Variants in SPTB observed in about 807,000 individuals in gnomAD.
SPTB encodes the protein spectrin beta chain, erythrocytic.
In SPTB, 45 loss-of-function variants were observed where a neutral mutation model predicts 256.2. The observed-to-expected ratio is 0.18, with a 90% CI of 0.14 to 0.23. SPTB has a LOEUF of 0.23. Ranked by LOEUF, SPTB falls within the 10% of genes least tolerant of loss-of-function variation. The probability of loss-of-function intolerance (pLI) is 1.00; values close to 1 mark genes in which losing one functional copy is unlikely to be tolerated. For synonymous variants in SPTB, 1,231 were observed against 1,243.1 expected (o/e 0.99, Z 0.21); for missense variants, 2,715 against 3,040.4 (o/e 0.89, Z 2.52).
At chr14:64,751,911 AT>A (rs1178509016) in intron 33 of SPTB, among the ~76,000 whole-genome samples, 3 of 136,930 alleles carry the variant, frequency 2.2e-5, no homozygotes, top group African/African-American at 8.2e-5. Flanking sequence ...GTGAAACCCC[AT>A]TTCTACTAAA....
chr14:64,785,932 A>C lies in SPTB; in HGVS notation c.3581T>G (p.Leu1194Trp), dbSNP rs766601064. Reference sequence around the variant, plus strand: ...AGCTTCCAGGGAGTCTGGGGGCTCCAAGTGAGCCAGAGTGTATTCCTGTTG... The same window carrying C: ...AGCTTCCAGGGAGTCTGGGGGCTCCCAGTGAGCCAGAGTGTATTCCTGTTG... ...LSNQEYTLAH[L>W]EPPDSLEAAE... is the part of the protein sequence containing the mutation. The change falls in exon 17 of 36, where the codon TTG (leucine) becomes TGG (tryptophan). Residue 1194 changes from leucine (L) to tryptophan (W), a missense_variant. By Grantham distance (61) the Leu-to-Trp change is moderately conservative. Transcript: ENST00000644917. The surrounding 1 kb of genome is among the most constrained non-coding windows in gnomAD (Gnocchi z 4.4). 1 of 1,614,110 alleles carries C rather than the reference A, an allele frequency of 6.2e-7. No homozygotes were observed. The highest frequency in any genetic ancestry group is 2.2e-5 in the East Asian group (1 of 44,874).
chr14:64,766,231 G>A (rs2082179314), intron 32 of SPTB, among the ~76,000 whole-genome samples: 1 of 150,112 alleles, frequency 6.7e-6, no homozygotes, highest in Non-Finnish European at 1.5e-5. Context: ...GTATATATGG[G>A]GGTGTGTGGT....
At chr14:64,783,055 G>A (rs778607094) in intron 19 of SPTB, among the ~76,000 whole-genome samples, 5 of 152,126 alleles carry the variant, frequency 3.3e-5, no homozygotes, top group South Asian at 2.1e-4. Context: ...AAACTGCCCC[G>A]TGAGTTCCTG....
At chr14:64,798,538 C>A (rs898418559) in intron 9 of SPTB, among the ~76,000 whole-genome samples, 7 of 152,246 alleles carry the variant, frequency 4.6e-5, no homozygotes, top group African/African-American at 1.7e-4. Context: ...GCATCCTTGA[C>A]CTGGCAGTCA....
At chr14:64,837,461 A>G (rs964111027) in intron 1 of SPTB, among the ~76,000 whole-genome samples, 2 of 152,216 alleles carry the variant, frequency 1.3e-5, no homozygotes, top group African/African-American at 4.8e-5. Context: ...TAAATAGGGA[A>G]ATATACCATG....
rs963341822 is a variant in SPTB, at chr14:64,796,268, A to G, written c.1341+289T>C. The stretch of plus-strand genomic sequence containing the variant: ...GATTTTACCATATCCCCCAAGAACC[A>G]CAATTTAACATCAACTGAAACCCCA... On this transcript the variant is annotated intron_variant, in intron 11 of 35. Transcript: ENST00000644917. The surrounding 1 kb of genome is among the most constrained non-coding windows in gnomAD (Gnocchi z 4.1). Among the ~76,000 whole-genome samples, 5 of 152,180 alleles carry G rather than the reference A, an allele frequency of 3.3e-5. No homozygotes were observed. The highest frequency in any genetic ancestry group is 6.5e-5 in the Admixed American group (1 of 15,276).
In SPTB at chr14:64,823,625, T is replaced by C. The variant is rs1483857236; in HGVS notation, c.-51-480A>G. On this transcript the variant is annotated intron_variant, in intron 1 of 35. Transcript: ENST00000644917. The surrounding 1 kb of genome is among the most constrained non-coding windows in gnomAD (Gnocchi z 6.5). ...GGAAACAGGCTGAGTCTGACCCATA[T>C]GGGAACCATGGGGAGAGATGGATGA... 6.6e-6 allele frequency among the ~76,000 whole-genome samples: 1 copy of C among 152,072 alleles called. No homozygotes were observed. Among genetic ancestry groups the C allele is most frequent in the Non-Finnish European group, 1.5e-5 (1 of 67,992 alleles).
intron 2 of SPTB, among the ~76,000 whole-genome samples, chr14:64,819,684 G>A (rs1481138460): frequency 1.3e-5 from 2 of 152,138 alleles, no homozygotes; most frequent in Non-Finnish European, 2.9e-5. Flanking sequence ...GAACTTCCAA[G>A]GCAAAGGAGG....
chr14:64,801,152 G>T, intron 7 of SPTB, 133 bp downstream of exon 7: 1 of 752,560 alleles, frequency 1.3e-6, no homozygotes. Flanking sequence ...CCTGGCCACT[G>T]CCCCTCACTG....
At position 64,749,265 on chromosome 14, in the gene SPTB, T is replaced by A; in HGVS notation, c.*41A>T. The A allele has an allele frequency of 6.5e-7, 1 of 1,542,966 alleles. No homozygotes were observed. The highest frequency in any genetic ancestry group is 8.7e-7 in the Non-Finnish European group (1 of 1,149,420). ...AGGCCAAGGCCTGGGCTGCCCGGTCTCTGCGCGTCCCGACTCCGCCGCGCC... is the reference window on the plus strand; with the variant it reads ...AGGCCAAGGCCTGGGCTGCCCGGTCACTGCGCGTCCCGACTCCGCCGCGCC... On this transcript the variant is annotated 3_prime_UTR_variant, in exon 36 of 36. Coordinates refer to ENST00000644917, the MANE Select transcript of SPTB (RefSeq NM_001355436.2). This position sits in a 1 kb window ranked among gnomAD's most constrained non-coding sequence, Gnocchi z 4.7.
At chr14:64,766,252 G>A (rs780218443) in intron 32 of SPTB, 17 of 382,210 alleles carry the variant, frequency 4.4e-5, no homozygotes, top group Non-Finnish European at 6.5e-5. Context: ...GTGTGTGCAT[G>A]TGGGTGTGTA....
intron 3 of SPTB, 102 bp downstream of exon 3, chr14:64,804,837 G>A: frequency 6.8e-7 from 1 of 1,479,254 alleles, no homozygotes; most frequent in East Asian, 2.3e-5. Flanking sequence ...GGAGCAGAGA[G>A]AAAACTGGGA....
intron 1 of SPTB, among the ~76,000 whole-genome samples, chr14:64,867,171 C>T (rs990388730): frequency 6.6e-6 from 1 of 152,220 alleles, no homozygotes; most frequent in Non-Finnish European, 1.5e-5. Flanking sequence ...ATCCTCTTCC[C>T]TCCTCACCTC....
intron 29 of SPTB, 24 bp from the exon 30 acceptor site, chr14:64,767,883 A>AC (rs1224414563): frequency 6.8e-6 from 11 of 1,611,366 alleles, no homozygotes; most frequent in Admixed American, 3.3e-5. Context: ...CAGGACACAG[A>AC]CCCCCCACAA....
chr14:64,793,907 G>C lies in SPTB; in HGVS notation c.1796-40C>G. On this transcript the variant is annotated intron_variant, in intron 13 of 35. Transcript: ENST00000644917. The surrounding 1 kb of genome is among the most constrained non-coding windows in gnomAD (Gnocchi z 7.0). ...GGGAAGGAGGACAAAGTGGGGGATGGGCTTCATTTATGGGCACGCTTCAGA... is the reference window on the plus strand; with the variant it reads ...GGGAAGGAGGACAAAGTGGGGGATGCGCTTCATTTATGGGCACGCTTCAGA... 1 of 1,572,586 alleles carries C rather than the reference G, an allele frequency of 6.4e-7. No homozygotes were observed. Among genetic ancestry groups the C allele is most frequent in the Non-Finnish European group, 8.6e-7 (1 of 1,165,372 alleles).
In SPTB at chr14:64,779,873, A is replaced by C. The variant is rs2139533828; in HGVS notation, c.4325T>G (p.Val1442Gly). The C allele has an allele frequency of 6.2e-7, 1 of 1,614,010 alleles. No individual in the cohort carries two copies. Among genetic ancestry groups the C allele is most frequent in the Middle Eastern group, 1.6e-4 (1 of 6,062 alleles). ...KEELGELFAQ[V>G]PSMGEEGGDA... Reference sequence around the variant, plus strand: ...TCCTCCCTCCTCTCCCATTGAAGGCACCTGGGCAAACAGCTCCCCCAGCTC... The same window carrying C: ...TCCTCCCTCCTCTCCCATTGAAGGCCCCTGGGCAAACAGCTCCCCCAGCTC... Residue 1442 changes from valine (V) to glycine (G), a missense_variant, in exon 21 of 36, where the codon GTG (valine) becomes GGG (glycine). This residue lies in a region of SPTB where 2,239 missense variants were observed against 2,384.4 expected (regional missense o/e 0.94). Transcript: ENST00000644917. This position sits in a 1 kb window ranked among gnomAD's most constrained non-coding sequence, Gnocchi z 4.2.
rs2139607825 is a variant in SPTB, at chr14:64,796,859, G to T, written c.1183-144C>A. On this transcript the variant is annotated intron_variant, in intron 10 of 35. Coordinates refer to ENST00000644917, the MANE Select transcript of SPTB (RefSeq NM_001355436.2). This position sits in a 1 kb window ranked among gnomAD's most constrained non-coding sequence, Gnocchi z 4.1. ...TTGGGTGACGTGGTAGCAGATTAAA[G>T]ATCAATAAAAGCCTTTGGCTTTCAT... 2 of 1,091,744 alleles carry T rather than the reference G, an allele frequency of 1.8e-6. No homozygotes were observed. Among genetic ancestry groups the T allele is most frequent in the South Asian group, 1.4e-5 (1 of 73,688 alleles). 67.6% of individuals were successfully genotyped at this position (1,091,744 alleles called of 1,614,324 possible).
chr14:64,871,014 A>G (rs1294177072), intron 1 of SPTB, among the ~76,000 whole-genome samples: 1 of 152,240 alleles, frequency 6.6e-6, no homozygotes. Context: ...ATGGCTGCAC[A>G]GCAATGTGAA....
chr14:64,800,839 A>G lies in SPTB; in HGVS notation c.793T>C (p.Ser265Pro). Residue 265 changes from serine (S) to proline (P), a missense_variant, in exon 8 of 36, where the codon TCC (serine) becomes CCC (proline). By Grantham distance (74) the Ser-to-Pro change is moderately conservative. Around this residue, in one of 4 missense-constraint regions of SPTB, gnomAD observed 416 missense variants for 571.1 expected, o/e 0.73. Transcript: ENST00000644917. ...DVFTENPDEK[S>P]IITYVVAFYH... ...AAGGCCACCACATAGGTGATGATGGATTTCTCATCAGGGTTTTCCGTAAAG... is the reference window on the plus strand; with the variant it reads ...AAGGCCACCACATAGGTGATGATGGGTTTCTCATCAGGGTTTTCCGTAAAG... 6.2e-7 allele frequency: 1 copy of G among 1,614,198 alleles called. No homozygotes were observed. Among genetic ancestry groups the G allele is most frequent in the South Asian group, 1.1e-5 (1 of 91,078 alleles).
Sources: gnomAD v4.1 joint callset for allele counts (sites outside exome capture counted in the v4.1 genomes callset) on GRCh38, gnomAD v4.1.1 for gene constraint, gnomAD v4.1.1 regional missense constraint, Gnocchi (gnomAD v3.1) non-coding constraint, MANE v1.5 for transcripts, NCBI Gene and HGNC (gene_info 2026-07-23, HGNC 2026-07-21) for gene names.